The following DPF3 variants were observed in gnomAD, a reference collection of about 807,000 sequenced individuals.
DPF3 encodes the protein double PHD fingers 3, also known as zinc finger protein DPF3.
A neutral mutation model predicts 56.8 loss-of-function variants in DPF3; 18 were observed. The observed-to-expected ratio is 0.32, with a 90% CI of 0.22 to 0.47. DPF3 has a LOEUF of 0.47. Ranked by LOEUF, DPF3 falls within the 20% of genes least tolerant of loss-of-function variation. The pLI is 1.00. For synonymous variants in DPF3, 188 were observed against 180.2 expected (o/e 1.04, Z -0.35); for missense variants, 403 against 488.8 (o/e 0.82, Z 1.65).
intron 1 of DPF3, among the ~76,000 whole-genome samples, chr14:72,846,996 A>G (rs183262984): frequency 6.6e-6 from 1 of 152,338 alleles, no homozygotes. Context: ...CTTCATTAAC[A>G]TGTTTATCTT....
At chr14:72,696,341 A>G (rs1251710168) in intron 6 of DPF3, among the ~76,000 whole-genome samples, 1 of 152,202 alleles carries the variant, frequency 6.6e-6, no homozygotes, top group Non-Finnish European at 1.5e-5. Flanking sequence ...ATAACTCTAG[A>G]AGGCTGTTCT....
At chr14:72,853,034 C>CGTGTGTGTGTGTGTGTGTGT (rs10522943) in intron 1 of DPF3, among the ~76,000 whole-genome samples, 6,718 of 143,926 alleles carry the variant, frequency 0.047, 356 homozygotes, top group East Asian at 0.13. Context: ...CATAGCCTTG[C>CGTGTGTGTGTGTGTGTGTGT]GTGTGTGTGT....
chr14:72,827,463 G>C (rs892825397), intron 1 of DPF3, among the ~76,000 whole-genome samples: 2 of 135,352 alleles, frequency 1.5e-5, no homozygotes, highest in African/African-American at 5.5e-5. Flanking sequence ...CCAACTCCTA[G>C]TACTCAACAA....
intron 8 of DPF3, among the ~76,000 whole-genome samples, chr14:72,640,079 A>AAAAAAAAAAAAAAAAAAAAG: frequency 1.6e-5 from 2 of 124,128 alleles, no homozygotes; most frequent in Admixed American, 8.3e-5. Context: ...AAAAAAAAAA[A>AAAAAAAAAAAAAAAAAAAAG]ATGGAAACAG....
intron 1 of DPF3, among the ~76,000 whole-genome samples, chr14:72,800,640 A>AGATGGATGCATG (rs367824685): frequency 6.7e-6 from 1 of 149,552 alleles, no homozygotes; most frequent in African/African-American, 2.5e-5. Flanking sequence ...ATGGATGCAC[A>AGATGGATGCATG]GATGGATGCA....
At chr14:72,624,631 G>A (rs1301617426) in intron 9 of DPF3, among the ~76,000 whole-genome samples, 8 of 152,154 alleles carry the variant, frequency 5.3e-5, no homozygotes, top group Admixed American at 4.6e-4. Flanking sequence ...GAGCCACCAC[G>A]CCCGGCCCCC....
chr14:72,771,038 T>G (rs973650030), intron 2 of DPF3, among the ~76,000 whole-genome samples: 2 of 151,802 alleles, frequency 1.3e-5, no homozygotes. Context: ...TAGCTGGGTG[T>G]GGTGGCGCAC....
At chr14:72,831,869 T>C (rs756067696) in intron 1 of DPF3, among the ~76,000 whole-genome samples, 9 of 152,294 alleles carry the variant, frequency 5.9e-5, no homozygotes, top group South Asian at 2.1e-4. Context: ...GGGATATTGG[T>C]GTTCATTGCT....
intron 3 of DPF3, 26 bp downstream of exon 3, chr14:72,753,238 C>T (rs1195023714): frequency 2.5e-6 from 4 of 1,608,032 alleles, no homozygotes; most frequent in East Asian, 2.2e-5. Context: ...CATCACAGAC[C>T]CAGCCAAGCT....
chr14:72,708,462 G>A (rs1282845911), intron 6 of DPF3, among the ~76,000 whole-genome samples: 1 of 152,154 alleles, frequency 6.6e-6, no homozygotes, highest in Non-Finnish European at 1.5e-5. Context: ...CAAGACAACT[G>A]AGTGATGAGC....
chr14:72,672,765 T>A (rs1886745704), intron 8 of DPF3, among the ~76,000 whole-genome samples: 1 of 152,182 alleles, frequency 6.6e-6, no homozygotes. Context: ...GCAATGAGAA[T>A]TCTGAAGCTG....
chr14:72,773,980 A>C, intron 1 of DPF3: 2 of 454,850 alleles, frequency 4.4e-6, no homozygotes, highest in South Asian at 3.1e-5. Flanking sequence ...GTATACAAAT[A>C]TCTTTTCAAA....
intron 1 of DPF3, among the ~76,000 whole-genome samples, chr14:72,795,318 A>ATATATATAT (rs1555507696): frequency 1.4e-5 from 2 of 146,598 alleles, no homozygotes; most frequent in Non-Finnish European, 1.5e-5. Context: ...ATATATATAT[A>ATATATATAT]AGGCAGATGG....
At chr14:72,827,859 GGAGGATCACTTGAGCCCAA>G (rs1453995614) in intron 1 of DPF3, among the ~76,000 whole-genome samples, 1 of 152,094 alleles carries the variant, frequency 6.6e-6, no homozygotes, top group Non-Finnish European at 1.5e-5. Context: ...GGCTGAGGCA[GGAGGATCACTTGAGCCCAA>G]GAGCTTTAGG....
intron 8 of DPF3, among the ~76,000 whole-genome samples, chr14:72,668,441 A>G (rs1012503463): frequency 6.6e-5 from 10 of 152,220 alleles, no homozygotes; most frequent in Non-Finnish European, 1.5e-4. Flanking sequence ...AAACCTTACT[A>G]TGCTTCTATT....
rs575345459 is a variant in DPF3 at position 72,746,923 on chromosome 14, C to T, written c.301+6341G>A. Among the ~76,000 whole-genome samples the T allele has an allele frequency of 6.6e-5, 10 of 152,356 alleles. No individual in the cohort carries two copies. In the East Asian group the frequency reaches 9.6e-4, roughly 15 times the overall value. On this transcript the variant is annotated intron_variant, in intron 3 of 10. Coordinates refer to ENST00000556509, the MANE Select transcript of DPF3 (RefSeq NM_001280542.3). Reference sequence around the variant, plus strand: ...TCACATGTTACGGCAGGCCCGACAACGGGGCATGGCCAAAGCAGGCTGTGA... The same window carrying T: ...TCACATGTTACGGCAGGCCCGACAATGGGGCATGGCCAAAGCAGGCTGTGA...
At chr14:72,804,568 T>C (rs1354099045) in intron 1 of DPF3, among the ~76,000 whole-genome samples, 2 of 152,158 alleles carry the variant, frequency 1.3e-5, no homozygotes, top group African/African-American at 4.8e-5. Context: ...CCTTCTTTCA[T>C]GGAATTGATA....
At chr14:72,784,833 T>C (rs1331986657) in intron 1 of DPF3, among the ~76,000 whole-genome samples, 2 of 152,242 alleles carry the variant, frequency 1.3e-5, no homozygotes, top group Non-Finnish European at 2.9e-5. Context: ...AGCAGGTGCC[T>C]GTAGTTCCAG....
chr14:72,670,398 C>G (rs1291874447), intron 8 of DPF3: 2 of 985,914 alleles, frequency 2.0e-6, no homozygotes, highest in Non-Finnish European at 2.4e-6. Flanking sequence ...TGGTCAGGGC[C>G]CAGGTGTGGA....
Sources: gnomAD v4.1 joint callset for allele counts (sites outside exome capture counted in the v4.1 genomes callset) on GRCh38, gnomAD v4.1.1 for gene constraint, MANE v1.5 for transcripts, NCBI Gene and HGNC (gene_info 2026-07-23, HGNC 2026-07-21) for gene names.